The following PCDHA10 variants were observed in gnomAD, a reference collection of about 807,000 sequenced individuals.
The protein encoded by PCDHA10 is protocadherin alpha-10.
In PCDHA10, 45 loss-of-function variants were observed where a neutral mutation model predicts 61.2. The ratio of observed to expected loss-of-function variants is 0.74; its 90% CI spans 0.58 to 0.94. The LOEUF (loss-of-function observed/expected upper bound fraction) is 0.94, where lower values mean the gene tolerates loss of function less well. Among genes scored for constraint, PCDHA10 ranks in the 40% least tolerant of loss-of-function variants. PCDHA10 has a pLI of 0.00. For missense variants in PCDHA10, 1,278 were observed against 1,236.2 expected, an observed-to-expected ratio of 1.03 and a Z score of -0.51; for synonymous variants, 602 against 548.8, an observed-to-expected ratio of 1.10 and a Z score of -1.35.
chr5:140,967,487 G>A lies in PCDHA10; in HGVS notation c.2389-11462G>A, dbSNP rs781929483. 60 of 1,613,172 alleles carry A rather than the reference G, an allele frequency of 3.7e-5. No individual in the cohort carries two copies. The highest frequency in any genetic ancestry group is 5.0e-5 in the Non-Finnish European group (59 of 1,179,674). ...GGGCATCCCAGCCCGCTCGGGTACG[G>A]CACAGATCTCTGTGCGTGTCCTGGA... On this transcript the variant is annotated intron_variant, in intron 1 of 3. Coordinates refer to ENST00000307360, the MANE Select transcript of PCDHA10 (RefSeq NM_018901.4).
rs1483756278 is a variant in PCDHA10, at chr5:140,982,223, T to TA, written c.2448-246dup. On this transcript the variant is annotated intron_variant, in intron 2 of 3. Transcript: ENST00000307360. Reference sequence around the variant, plus strand: ...TTTAGTGAGCGCCACATGGCGTTAATAAAAAACAGAATTGCCATAAAGATA... The same window carrying TA: ...TTTAGTGAGCGCCACATGGCGTTAATAAAAAAACAGAATTGCCATAAAGATA... 8.6e-6 allele frequency: 5 copies of TA among 580,096 alleles called. No homozygotes were observed. In the East Asian group the frequency reaches 1.2e-4, roughly 14 times the overall value. The allele number at this position is 580,096 out of a possible 1,614,324, so 35.9% of individuals were successfully genotyped here. A position where few individuals can be genotyped will look rare whatever the true frequency, so the allele number is the denominator to read the frequency against.
At chr5:140,980,555 G>A (rs1050580342) in intron 2 of PCDHA10, among the ~76,000 whole-genome samples, 1 of 152,068 alleles carries the variant, frequency 6.6e-6, no homozygotes, top group Non-Finnish European at 1.5e-5. Flanking sequence ...GCTTGAACCC[G>A]GGAGGCGGAA....
In PCDHA10 at chr5:140,890,236, T is replaced by C. The variant is rs79211810; in HGVS notation, c.2388+31800T>C. 1.2e-3 allele frequency among the ~76,000 whole-genome samples: 183 copies of C among 152,244 alleles called. 1 individual carries two copies. Among genetic ancestry groups the C allele is most frequent in the African/African-American group, 4.0e-3 (168 of 41,532 alleles). ...CCCAGAGACCTAGTTGTTAAGCATT[T>C]ACCAGTACACTACTGCACCTGATTG... On this transcript the variant is annotated intron_variant, in intron 1 of 3. Transcript: ENST00000307360.
At position 141,000,188 on chromosome 5, in the gene PCDHA10, A is replaced by G. The variant is rs182049578; in HGVS notation, c.2537-9439A>G. 8.6e-3 allele frequency among the ~76,000 whole-genome samples: 1,302 copies of G among 151,928 alleles called. 5 individuals carry two copies. Among genetic ancestry groups the G allele is most frequent in the Middle Eastern group, 0.017 (5 of 294 alleles). ...ATTATTGAGCCAAGGAGTCAATGTG[A>G]GAATAGTTTTTCACCTTCATTATCA... is the stretch of plus-strand genomic sequence containing the variant. On this transcript the variant is annotated intron_variant, in intron 3 of 3. Coordinates refer to ENST00000307360, the MANE Select transcript of PCDHA10 (RefSeq NM_018901.4).
At chr5:140,949,009 G>A (rs1563235030) in intron 1 of PCDHA10, among the ~76,000 whole-genome samples, 1 of 151,574 alleles carries the variant, frequency 6.6e-6, no homozygotes, top group Non-Finnish European at 1.5e-5. Context: ...ATTTTTATAT[G>A]TGATGTTTTT....
intron 1 of PCDHA10, among the ~76,000 whole-genome samples, chr5:140,872,175 T>A (rs1402825591): frequency 6.6e-5 from 10 of 152,228 alleles, no homozygotes; most frequent in African/African-American, 2.4e-4. Context: ...CTTTTTTTTT[T>A]TTACAGTGTT....
chr5:140,861,473 T>C (rs2046940252), intron 1 of PCDHA10: 2 of 491,456 alleles, frequency 4.1e-6, no homozygotes. Context: ...ATCTGCAGAA[T>C]GGCATTTTTG....
At chr5:140,872,539 A>G (rs2053732284) in intron 1 of PCDHA10, among the ~76,000 whole-genome samples, 1 of 152,128 alleles carries the variant, frequency 6.6e-6, no homozygotes, top group Admixed American at 6.5e-5. Flanking sequence ...ACATGAGAGG[A>G]TCCCCTGAAC....
intron 2 of PCDHA10, among the ~76,000 whole-genome samples, chr5:140,980,036 G>T (rs952735379): frequency 6.6e-6 from 1 of 152,176 alleles, no homozygotes; most frequent in African/African-American, 2.4e-5. Context: ...ATTACATTGG[G>T]TGCTATTTCT....
chr5:140,990,808 C>G (rs537926285), intron 3 of PCDHA10, among the ~76,000 whole-genome samples: 18 of 152,212 alleles, frequency 1.2e-4, no homozygotes, highest in Non-Finnish European at 2.4e-4. Context: ...ACAGAAGAAG[C>G]TCCCTTCTCT....
chr5:141,006,525 T>G (rs1366958955), intron 3 of PCDHA10, among the ~76,000 whole-genome samples: 1 of 152,108 alleles, frequency 6.6e-6, no homozygotes, highest in African/African-American at 2.4e-5. Context: ...TATACATCAG[T>G]TTTTAAAGAG....
At chr5:140,945,762 G>A (rs570176768) in intron 1 of PCDHA10, among the ~76,000 whole-genome samples, 122 of 152,196 alleles carry the variant, frequency 8.0e-4, no homozygotes, top group South Asian at 2.3e-3. Context: ...ATGGTGGTGG[G>A]ACAATTTGAT....
intron 2 of PCDHA10, among the ~76,000 whole-genome samples, chr5:140,979,396 G>C (rs2096848299): frequency 6.6e-6 from 1 of 151,692 alleles, no homozygotes; most frequent in South Asian, 2.1e-4. Flanking sequence ...ATACATACAT[G>C]TTGTCTACCT....
intron 1 of PCDHA10, chr5:140,868,839 C>T (rs1442886604): frequency 4.6e-6 from 2 of 432,190 alleles, no homozygotes; most frequent in East Asian, 3.8e-5. Flanking sequence ...ACCCAAAACA[C>T]GTGAAATTCT....
In PCDHA10 at chr5:140,926,182, C is replaced by G. The variant is rs1041630365; in HGVS notation, c.2389-52767C>G. Among the ~76,000 whole-genome samples, 27 of 151,858 alleles carry G rather than the reference C, an allele frequency of 1.8e-4. No individual in the cohort carries two copies. The East Asian group carries it at 2.5e-3, about 14-fold the overall frequency. On this transcript the variant is annotated intron_variant, in intron 1 of 3. Coordinates refer to ENST00000307360, the MANE Select transcript of PCDHA10 (RefSeq NM_018901.4). ...CAGCAGGATCCAGCGCGGAAAGCCC[C>G]CCGCAGCACTTCTTTCGGGGGGCTC...
chr5:140,917,417 C>G (rs1163543772), intron 1 of PCDHA10, among the ~76,000 whole-genome samples: 2 of 152,082 alleles, frequency 1.3e-5, no homozygotes, highest in African/African-American at 2.4e-5. Flanking sequence ...TAATTAGGCC[C>G]CATTTGCCAA....
At chr5:140,869,126 G>A in intron 1 of PCDHA10, 4 of 1,611,734 alleles carry the variant, frequency 2.5e-6, no homozygotes, top group Non-Finnish European at 3.4e-6. Context: ...CAGAGAAGGG[G>A]ATTGGGCACC....
intron 1 of PCDHA10, among the ~76,000 whole-genome samples, chr5:140,924,695 G>C (rs1190287077): frequency 2.6e-5 from 4 of 152,024 alleles, no homozygotes; most frequent in African/African-American, 9.7e-5. Context: ...AGGAGTTCGA[G>C]ACCAGCTTGT....
At chr5:140,902,189 C>T (rs2069172292) in intron 1 of PCDHA10, among the ~76,000 whole-genome samples, 1 of 145,890 alleles carries the variant, frequency 6.9e-6, no homozygotes, top group African/African-American at 2.6e-5. Flanking sequence ...TATGTCTTCT[C>T]TCTCTCTCTC....
Sources: allele counts gnomAD v4.1 joint callset (sites outside exome capture counted in the v4.1 genomes callset), GRCh38; gene constraint gnomAD v4.1.1; transcripts MANE v1.5; gene names NCBI Gene and HGNC (gene_info 2026-07-23, HGNC 2026-07-21).